DRG1: variants seen among roughly 807,000 people sequenced by gnomAD.
DRG1 encodes developmentally-regulated GTP-binding protein 1.
In DRG1, 19 loss-of-function variants were observed where a neutral mutation model predicts 38.8. The ratio of observed to expected loss-of-function variants is 0.49; its 90% confidence interval spans 0.34 to 0.72. The LOEUF (loss-of-function observed/expected upper bound fraction) is 0.72, where lower values mean the gene tolerates loss of function less well. Ranked by LOEUF, DRG1 falls within the 30% of genes least tolerant of loss-of-function variation. The pLI is 0.01. For synonymous variants in DRG1, 167 were observed against 157.5 expected, an observed-to-expected ratio of 1.06 and a Z score of -0.45; for missense variants, 299 against 444.8, an observed-to-expected ratio of 0.67 and a Z score of 2.95.
chr22:31,423,994 AG>A (rs1189863470), intron 6 of DRG1, among the ~76,000 whole-genome samples: 1 of 150,160 alleles, frequency 6.7e-6, no homozygotes, highest in Non-Finnish European at 1.5e-5. Flanking sequence ...CTTCCTGAGT[AG>A]CTGGGATTAC....
At chr22:31,399,813 C>T in intron 1 of DRG1, 88 bp downstream of exon 1, 2 of 1,595,336 alleles carry the variant, frequency 1.3e-6, no homozygotes, top group South Asian at 2.2e-5. Flanking sequence ...TGAGCCGCGT[C>T]AGGACCGGGC....
intron 5 of DRG1, among the ~76,000 whole-genome samples, chr22:31,422,457 A>G (rs2050082478): frequency 1.3e-5 from 2 of 152,082 alleles, no homozygotes; most frequent in Admixed American, 1.3e-4. Context: ...AAGAAAAGAG[A>G]CTCAGAGAAA....
intron 4 of DRG1, among the ~76,000 whole-genome samples, chr22:31,413,417 T>G (rs1309421790): frequency 6.6e-6 from 1 of 151,974 alleles, no homozygotes; most frequent in Non-Finnish European, 1.5e-5. Context: ...AAAATTATCT[T>G]TTGTCTCTTA....
chr22:31,408,369 C>T (rs920025618), intron 3 of DRG1, among the ~76,000 whole-genome samples: 1 of 149,988 alleles, frequency 6.7e-6, no homozygotes, highest in Admixed American at 6.7e-5. Context: ...GTCTTGATCT[C>T]CTGACCTCAG....
At position 31,405,680 on chromosome 22, in the gene DRG1, T is replaced by C. The variant is rs695304; in HGVS notation, c.342+2476T>C. On this transcript the variant is annotated intron_variant, in intron 3 of 8. Coordinates refer to ENST00000331457, the MANE Select transcript of DRG1 (RefSeq NM_004147.4). ...ATACTGTTGGGCATGTGTGTGTGTG[T>C]GGGGGGGTTTATTTATTTTTTTATT... Among the ~76,000 whole-genome samples the C allele has an allele frequency of 4.0e-4, 61 of 150,686 alleles. No individual in the cohort carries two copies. In the Middle Eastern group the frequency reaches 0.01, roughly 25 times the overall value.
chr22:31,426,465 CTTTTTCT>C (rs766075576), intron 6 of DRG1, 143 bp from the exon 7 acceptor site: 11 of 651,364 alleles, frequency 1.7e-5, no homozygotes, highest in African/African-American at 5.5e-5. Flanking sequence ...TTCACTTTTT[CTTTTTCT>C]TTTTTCTTTT....
intron 8 of DRG1, among the ~76,000 whole-genome samples, chr22:31,432,801 C>T (rs1163701754): frequency 5.9e-5 from 9 of 152,114 alleles, no homozygotes; most frequent in Non-Finnish European, 7.4e-5. Flanking sequence ...CCTCGTGATC[C>T]GCCCGCCTCA....
intron 4 of DRG1, among the ~76,000 whole-genome samples, chr22:31,415,731 A>G (rs1260668393): frequency 1.3e-5 from 2 of 152,096 alleles, no homozygotes; most frequent in African/African-American, 4.8e-5. Context: ...TAGGTCTTAG[A>G]TATAGTCTCC....
intron 3 of DRG1, among the ~76,000 whole-genome samples, chr22:31,406,335 A>G (rs1300864039): frequency 6.6e-6 from 1 of 152,164 alleles, no homozygotes; most frequent in Non-Finnish European, 1.5e-5. Context: ...ATTAGTTTAC[A>G]TGTTAAGAAC....
intron 3 of DRG1, among the ~76,000 whole-genome samples, chr22:31,405,896 C>G (rs898786668): frequency 4.6e-5 from 7 of 152,168 alleles, no homozygotes; most frequent in Admixed American, 3.9e-4. Context: ...CCATATTGAT[C>G]AGGCTAGTCT....
intron 5 of DRG1, 142 bp downstream of exon 5, chr22:31,420,567 G>A: frequency 9.4e-7 from 1 of 1,067,322 alleles, no homozygotes; most frequent in Non-Finnish European, 1.3e-6. Flanking sequence ...TATAATGACT[G>A]ACAAGAAAAA....
chr22:31,420,227 C>A, intron 4 of DRG1, 29 bp from the exon 5 acceptor site: 1 of 1,605,754 alleles, frequency 6.2e-7, no homozygotes, highest in South Asian at 1.1e-5. Flanking sequence ...ATTGAACTTT[C>A]TTGCGTATGT....
At chr22:31,429,572 T>C (rs986017229) in intron 8 of DRG1, among the ~76,000 whole-genome samples, 2 of 152,194 alleles carry the variant, frequency 1.3e-5, no homozygotes, top group Non-Finnish European at 2.9e-5. Context: ...AATACTATTA[T>C]TATTTTGTTG....
chr22:31,399,848 G>T (rs1188454308), intron 1 of DRG1, 123 bp downstream of exon 1: 1 of 1,449,022 alleles, frequency 6.9e-7, no homozygotes, highest in Non-Finnish European at 9.6e-7. Context: ...TTCTCTCAGC[G>T]AGGCCCGTGT....
Position 31,426,714 on chromosome 22 carries a change from T to C in DRG1, c.813T>C (p.Ser271=). ...IYKVPHCVPI[S]AHHRWNFDDL... ...AGGTGCCTCACTGTGTACCCATCTCTGCCCATCACCGCTGGAATTTTGATG... is the reference window on the plus strand; with the variant it reads ...AGGTGCCTCACTGTGTACCCATCTCCGCCCATCACCGCTGGAATTTTGATG... The change falls in exon 7 of 9, where the codon TCT becomes TCC. Residue 271 remains serine (S), a synonymous_variant. Transcript: ENST00000331457. 6.2e-7 allele frequency: 1 copy of C among 1,614,218 alleles called. No homozygotes were observed. The highest frequency in any genetic ancestry group is 8.5e-7 in the Non-Finnish European group (1 of 1,180,036).
chr22:31,432,574 C>T lies in DRG1; in HGVS notation c.1005-1298C>T, dbSNP rs142431094. 4.1e-3 allele frequency among the ~76,000 whole-genome samples: 618 copies of T among 152,048 alleles called. 5 individuals are homozygous for T. The highest frequency in any genetic ancestry group is 3.5e-3 in the South Asian group (17 of 4,824). On this transcript the variant is annotated intron_variant, in intron 8 of 8. Coordinates refer to ENST00000331457, the MANE Select transcript of DRG1 (RefSeq NM_004147.4). ...CCAAGTAGCTGGGACTATAGGTGCG[C>T]GCTACCACGCCCAGCTAATTTTTTT...
chr22:31,425,683 T>C (rs923149932), intron 6 of DRG1, among the ~76,000 whole-genome samples: 1 of 152,212 alleles, frequency 6.6e-6, no homozygotes, highest in Non-Finnish European at 1.5e-5. Flanking sequence ...TCAAGCAATC[T>C]GCCTGCCTTG....
Position 31,400,693 on chromosome 22 carries a change from G to T in DRG1, c.116G>T (p.Arg39Leu). Residue 39 changes from arginine (R) to leucine (L), a missense_variant, in exon 2 of 9, where the codon CGT becomes CTT. By Grantham distance (102) the Arg-to-Leu change is moderately radical. Around this residue, in one of 3 missense-constraint regions of DRG1, gnomAD observed 51 missense variants for 56.1 expected, o/e 0.91. Transcript: ENST00000331457. ...GLLKARLAKLRRELITPKGGG... is the reference protein window; with the variant it reads ...GLLKARLAKLLRELITPKGGG... ...CTTAAGGCTCGTCTTGCTAAGCTTC[G>T]TCGAGAACTCATTACTCCAAAGGGT... 1 of 1,613,390 alleles carries T rather than the reference G, an allele frequency of 6.2e-7. No individual in the cohort carries two copies. Among genetic ancestry groups the T allele is most frequent in the Non-Finnish European group, 8.5e-7 (1 of 1,179,582 alleles).
chr22:31,423,401 A>G lies in DRG1; in HGVS notation c.704A>G (p.Glu235Gly). ...GCTGATGACCTCATTGATGTGGTGG[A>G]AGGAAACAGGTACTGACTGAGTGTG... The part of the protein sequence containing the change: ...ATADDLIDVV[E>G]GNRVYIPCIY... The change falls in exon 6 of 9, where the codon GAA becomes GGA. Residue 235 changes from glutamate to glycine, a missense_variant. This residue lies in a region of DRG1 where 198 missense variants were observed against 268.1 expected (regional missense o/e 0.74). Coordinates refer to ENST00000331457, the MANE Select transcript of DRG1 (RefSeq NM_004147.4). 1 of 1,614,058 alleles carries G rather than the reference A, an allele frequency of 6.2e-7. No homozygotes were observed. The highest frequency in any genetic ancestry group is 8.5e-7 in the Non-Finnish European group (1 of 1,180,006).
Sources: gnomAD v4.1 joint callset for allele counts (sites outside exome capture counted in the v4.1 genomes callset) on GRCh38, gnomAD v4.1.1 for gene constraint, gnomAD v4.1.1 regional missense constraint, MANE v1.5 for transcripts, NCBI Gene and HGNC (gene_info 2026-07-23, HGNC 2026-07-21) for gene names.